Variants in ADAMTSL1 observed in about 807,000 individuals in gnomAD.
ADAMTSL1 encodes the protein ADAMTS like 1, also known as ADAMTS-like protein 1.
In ADAMTSL1, 126 loss-of-function variants were observed where a neutral mutation model predicts 201.8. That is an observed-to-expected ratio of 0.62 (90% CI 0.54 to 0.72). The LOEUF is 0.72. Among genes scored for constraint, ADAMTSL1 ranks in the 30% least tolerant of loss-of-function variants. The pLI, the probability that ADAMTSL1 is intolerant of heterozygous loss-of-function variation, is 0.00. For synonymous variants in ADAMTSL1, 1,121 were observed against 903.4 expected, an observed-to-expected ratio of 1.24 and a Z score of -4.32; for missense variants, 2,679 against 2,277.8, an observed-to-expected ratio of 1.18 and a Z score of -3.59.
In ADAMTSL1 at chr9:18,180,546, A is replaced by AG. The variant is rs1563790187; in HGVS notation, c.207+16565_207+16566insG. Among the ~76,000 whole-genome samples the AG allele has an allele frequency of 2.2e-5, 3 of 136,740 alleles. No individual in the cohort carries two copies. The East Asian group carries it at 6.7e-4, about 31-fold the overall frequency. 89.7% of individuals were successfully genotyped at this position (136,740 alleles called of 152,430 possible). ...AGACTCCGTGTCAAAAAAAAAAAAAAAAAAAAAAATACCTAAGAATCCAAC... is the reference window on the plus strand; with the variant it reads ...AGACTCCGTGTCAAAAAAAAAAAAAAGAAAAAAAAATACCTAAGAATCCAAC... On this transcript the variant is annotated intron_variant, in intron 2 of 29. Coordinates refer to the ADAMTSL1 transcript ENST00000680146.
At chr9:17,983,407 T>G (rs971409407) in intron 1 of ADAMTSL1, among the ~76,000 whole-genome samples, 2 of 152,122 alleles carry the variant, frequency 1.3e-5, no homozygotes, top group African/African-American at 4.8e-5. Flanking sequence ...GATCTTAATG[T>G]GTGGCCAAGA....
At chr9:18,679,795 C>A (rs986979778) in intron 10 of ADAMTSL1, among the ~76,000 whole-genome samples, 1 of 151,650 alleles carries the variant, frequency 6.6e-6, no homozygotes, top group South Asian at 2.1e-4. Flanking sequence ...AAAGGAGAGT[C>A]TTTTGTTTAC....
chr9:18,793,570 C>T (rs1822183679), intron 19 of ADAMTSL1, among the ~76,000 whole-genome samples: 1 of 152,114 alleles, frequency 6.6e-6, no homozygotes, highest in Non-Finnish European at 1.5e-5. Context: ...CTATTAACTG[C>T]TTACCTCCTA....
intron 2 of ADAMTSL1, among the ~76,000 whole-genome samples, chr9:18,245,564 G>A (rs549630035): frequency 1.3e-5 from 2 of 152,236 alleles, no homozygotes; most frequent in South Asian, 2.1e-4. Flanking sequence ...AATGGGTCAG[G>A]ATATAACTGG....
intron 4 of ADAMTSL1, among the ~76,000 whole-genome samples, chr9:18,615,512 A>G (rs1382821757): frequency 6.6e-6 from 1 of 152,218 alleles, no homozygotes; most frequent in Non-Finnish European, 1.5e-5. Context: ...TTGCCATATA[A>G]ATATTGTATA....
intron 7 of ADAMTSL1, among the ~76,000 whole-genome samples, chr9:18,647,459 G>C (rs1335611027): frequency 6.6e-6 from 1 of 151,812 alleles, no homozygotes; most frequent in Non-Finnish European, 1.5e-5. Flanking sequence ...TGCTTTTCTA[G>C]TTCTTTTAAT....
At chr9:18,782,092 T>C (rs1048034948) in intron 19 of ADAMTSL1, among the ~76,000 whole-genome samples, 2 of 152,184 alleles carry the variant, frequency 1.3e-5, no homozygotes, top group Non-Finnish European at 2.9e-5. Flanking sequence ...TTTTCCTTTA[T>C]TCTGCAAACA....
chr9:18,211,623 T>C (rs1470235882), intron 2 of ADAMTSL1, among the ~76,000 whole-genome samples: 7 of 152,160 alleles, frequency 4.6e-5, no homozygotes, highest in Admixed American at 3.9e-4. Context: ...AGTACCTAAA[T>C]CAATATCCAA....
chr9:18,016,000 G>A (rs1820245655), intron 1 of ADAMTSL1, among the ~76,000 whole-genome samples: 1 of 151,958 alleles, frequency 6.6e-6, no homozygotes, highest in Non-Finnish European at 1.5e-5. Flanking sequence ...TAGTTATTAT[G>A]GCAGATCTAA....
At chr9:18,302,536 T>G (rs1833746248) in intron 2 of ADAMTSL1, among the ~76,000 whole-genome samples, 1 of 152,216 alleles carries the variant, frequency 6.6e-6, no homozygotes, top group South Asian at 2.1e-4. Flanking sequence ...GTAAAGTATT[T>G]GAAGGCCTAA....
upstream of ADAMTSL1, among the ~76,000 whole-genome samples, chr9:18,469,244 T>G (rs1014526232): frequency 6.6e-6 from 1 of 152,212 alleles, no homozygotes; most frequent in African/African-American, 2.4e-5. Flanking sequence ...CCCTTTGCTT[T>G]ACAAAGAGTC....
intron 1 of ADAMTSL1, among the ~76,000 whole-genome samples, chr9:17,995,002 A>G (rs1417562080): frequency 6.6e-6 from 1 of 152,106 alleles, no homozygotes; most frequent in Non-Finnish European, 1.5e-5. Flanking sequence ...GTTTATGTTT[A>G]TTTCATTTTC....
At chr9:18,363,718 A>T (rs1836631062) in intron 2 of ADAMTSL1, among the ~76,000 whole-genome samples, 1 of 152,192 alleles carries the variant, frequency 6.6e-6, no homozygotes, top group Admixed American at 6.5e-5. Context: ...TTAATGCTTG[A>T]GGAAGGGGAA....
intron 19 of ADAMTSL1, among the ~76,000 whole-genome samples, chr9:18,782,765 C>T (rs554851268): frequency 6.6e-6 from 1 of 152,272 alleles, no homozygotes; most frequent in East Asian, 1.9e-4. Context: ...TGAATGATGA[C>T]CAGTGCCCAG....
intron 20 of ADAMTSL1, among the ~76,000 whole-genome samples, chr9:18,801,156 C>A (rs1822775681): frequency 6.6e-6 from 1 of 152,070 alleles, no homozygotes; most frequent in African/African-American, 2.4e-5. Context: ...ATTTCAAGGG[C>A]ACAAAAATTC....
chr9:18,323,640 A>G (rs1834714052), intron 2 of ADAMTSL1, among the ~76,000 whole-genome samples: 1 of 152,214 alleles, frequency 6.6e-6, no homozygotes, highest in African/African-American at 2.4e-5. Context: ...ACAAGTAGCA[A>G]GATCATAGGA....
At chr9:18,159,381 A>C (rs1827291127) in intron 1 of ADAMTSL1, among the ~76,000 whole-genome samples, 1 of 152,026 alleles carries the variant, frequency 6.6e-6, no homozygotes, top group Non-Finnish European at 1.5e-5. Flanking sequence ...GAAGAACAAT[A>C]AACTGATCAT....
At chr9:18,399,986 G>T (rs976791977) in intron 2 of ADAMTSL1, among the ~76,000 whole-genome samples, 44 of 152,214 alleles carry the variant, frequency 2.9e-4, no homozygotes, top group African/African-American at 7.7e-4. Context: ...TAGCACTGAG[G>T]TGATAGTGCT....
intron 2 of ADAMTSL1, among the ~76,000 whole-genome samples, chr9:18,311,651 G>A (rs1402281210): frequency 2.6e-5 from 4 of 152,182 alleles, no homozygotes; most frequent in Non-Finnish European, 5.9e-5. Context: ...GGGATTCGAT[G>A]CTGGAATCAT....
Sources: gnomAD v4.1 joint callset for allele counts (sites outside exome capture counted in the v4.1 genomes callset) on GRCh38, gnomAD v4.1.1 for gene constraint, MANE v1.5 for transcripts, NCBI Gene and HGNC (gene_info 2026-07-23, HGNC 2026-07-21) for gene names.